Variants in PXDNL observed in about 807,000 individuals in gnomAD.
PXDNL encodes the protein peroxidasin like.
Under a neutral mutation model 150.8 loss-of-function variants are expected in PXDNL, and 145 were observed. The observed-to-expected ratio is 0.96, with a 90% CI of 0.84 to 1.10. PXDNL has a LOEUF of 1.10. Ranked by LOEUF, PXDNL falls within the 50% of genes least tolerant of loss-of-function variation. The pLI, the probability that PXDNL is intolerant of heterozygous loss-of-function variation, is 0.00. For missense variants in PXDNL, 2,087 were observed against 1,873.9 expected, an observed-to-expected ratio of 1.11 and a Z score of -2.10; for synonymous variants, 757 against 725.7, an observed-to-expected ratio of 1.04 and a Z score of -0.69.
Position 51,549,570 on chromosome 8 carries a change from C to T in PXDNL, c.380+7270G>A, listed in dbSNP as rs115288769. On this transcript the variant is annotated intron_variant, in intron 4 of 22. Transcript: ENST00000356297. ...AAATACATGGAAATTTAAAAATCTG[C>T]CCCTGAATGATCTTTGGGTCAAAAT... Among the ~76,000 whole-genome samples the T allele has an allele frequency of 6.1e-3, 933 of 152,158 alleles. 3 individuals are homozygous for T. The highest frequency in any genetic ancestry group is 0.021 in the African/African-American group (887 of 41,528).
intron 2 of PXDNL, among the ~76,000 whole-genome samples, chr8:51,618,199 T>C (rs1292282105): frequency 6.6e-6 from 1 of 152,230 alleles, no homozygotes; most frequent in Non-Finnish European, 1.5e-5. Flanking sequence ...CACTGGCGAT[T>C]ACCAGAGCAG....
At chr8:51,347,408 C>A (rs1223643265) in intron 19 of PXDNL, among the ~76,000 whole-genome samples, 1 of 152,154 alleles carries the variant, frequency 6.6e-6, no homozygotes, top group African/African-American at 2.4e-5. Context: ...CATATGAACT[C>A]ACTGGTATTA....
Position 51,409,473 on chromosome 8 carries a change from G to C in PXDNL, c.2151C>G (p.Asn717Lys), listed in dbSNP as rs1427045243. The C allele has an allele frequency of 3.7e-6, 6 of 1,612,614 alleles. No individual in the cohort carries two copies. The highest frequency in any genetic ancestry group is 5.1e-6 in the Non-Finnish European group (6 of 1,179,732). The change falls in exon 17 of 23, where the codon AAC becomes AAG. Residue 717 changes from asparagine to lysine, a missense_variant. Coordinates refer to ENST00000356297, the MANE Select transcript of PXDNL (RefSeq NM_144651.5). ...SGCTARRPLP[N>K]CSNRCFHAKY... ...TCGCATGGAAACACCGGTTGGAGCAGTTTGGCAGAGGCCTGCGAGCTGTGC... is the reference window on the plus strand; with the variant it reads ...TCGCATGGAAACACCGGTTGGAGCACTTTGGCAGAGGCCTGCGAGCTGTGC...
At chr8:51,677,751 T>A (rs1815655327) in intron 1 of PXDNL, among the ~76,000 whole-genome samples, 1 of 152,204 alleles carries the variant, frequency 6.6e-6, no homozygotes, top group Non-Finnish European at 1.5e-5. Flanking sequence ...TAAAATCTTT[T>A]CCCAAAATAA....
intron 2 of PXDNL, among the ~76,000 whole-genome samples, chr8:51,613,927 G>C (rs1048277280): frequency 6.6e-6 from 1 of 152,116 alleles, no homozygotes; most frequent in African/African-American, 2.4e-5. Context: ...TGTACTGTTA[G>C]GTGCCCCAGT....
In PXDNL at chr8:51,713,046, A is replaced by C. The variant is rs571959701; in HGVS notation, c.165-58286T>G. Among the ~76,000 whole-genome samples the C allele has an allele frequency of 4.3e-4, 66 of 152,346 alleles. 1 individual carries two copies. The highest frequency in any genetic ancestry group is 1.5e-3 in the African/African-American group (61 of 41,576). The stretch of plus-strand genomic sequence containing the variant: ...GATTATTTTTATCTTTCTCCTAAAA[A>C]TGTGAGTCAATAAAAATTCTGCTAA... On this transcript the variant is annotated intron_variant, in intron 1 of 22. Coordinates refer to ENST00000356297, the MANE Select transcript of PXDNL (RefSeq NM_144651.5).
intron 1 of PXDNL, among the ~76,000 whole-genome samples, chr8:51,701,523 C>T (rs1453781084): frequency 2.0e-5 from 3 of 152,124 alleles, no homozygotes; most frequent in East Asian, 1.9e-4. Flanking sequence ...TTCTTCCATT[C>T]TACTTTGCCT....
At chr8:51,477,670 C>T (rs1337455728) in intron 6 of PXDNL, among the ~76,000 whole-genome samples, 1 of 152,220 alleles carries the variant, frequency 6.6e-6, no homozygotes, top group African/African-American at 2.4e-5. Flanking sequence ...TTCAGCATCA[C>T]CATGACGTTC....
intron 1 of PXDNL, among the ~76,000 whole-genome samples, chr8:51,711,285 A>T (rs541951807): frequency 6.6e-6 from 1 of 152,166 alleles, no homozygotes; most frequent in Non-Finnish European, 1.5e-5. Context: ...TTACAGGCAC[A>T]CACCACTATG....
chr8:51,418,540 A>T (rs1808862273), intron 14 of PXDNL, among the ~76,000 whole-genome samples: 1 of 152,236 alleles, frequency 6.6e-6, no homozygotes, highest in Non-Finnish European at 1.5e-5. Flanking sequence ...ATGTCAAATA[A>T]TTCAAATAGT....
chr8:51,541,256 A>ATAAAG (rs747429041), intron 4 of PXDNL, among the ~76,000 whole-genome samples: 2 of 151,122 alleles, frequency 1.3e-5, no homozygotes, highest in South Asian at 2.1e-4. Context: ...GACTCCATAA[A>ATAAAG]AAAAAAAAAA....
chr8:51,594,510 TAG>T (rs1237978937), intron 2 of PXDNL, among the ~76,000 whole-genome samples: 4 of 152,214 alleles, frequency 2.6e-5, no homozygotes, highest in African/African-American at 9.6e-5. Flanking sequence ...CATATTCTTT[TAG>T]AGTTATTTAA....
chr8:51,696,825 A>ATACACAGTTC (rs1816151603), intron 1 of PXDNL, among the ~76,000 whole-genome samples: 2 of 148,830 alleles, frequency 1.3e-5, no homozygotes, highest in African/African-American at 2.5e-5. Flanking sequence ...ACACACACAC[A>ATACACAGTTC]CACACACACA....
intron 1 of PXDNL, among the ~76,000 whole-genome samples, chr8:51,779,629 C>A (rs2037390762): frequency 6.6e-6 from 1 of 152,134 alleles, no homozygotes; most frequent in Non-Finnish European, 1.5e-5. Context: ...CACGCAGCTC[C>A]CAGTTCTGGT....
rs182681864 is a variant in PXDNL, at chr8:51,478,792, C to G, written c.525-3651G>C. ...CTCTCCTGTATTCTGTTGTTCTCAT[C>G]TAAATTGTAGCCAAAATAGGACAGG... On this transcript the variant is annotated intron_variant, in intron 6 of 22. Transcript: ENST00000356297. Among the ~76,000 whole-genome samples the G allele has an allele frequency of 2.3e-3, 345 of 152,316 alleles. 2 individuals carry two copies. The highest frequency in any genetic ancestry group is 7.6e-3 in the African/African-American group (317 of 41,574).
At chr8:51,618,925 A>G (rs1203212742) in intron 2 of PXDNL, among the ~76,000 whole-genome samples, 1 of 152,234 alleles carries the variant, frequency 6.6e-6, no homozygotes, top group African/African-American at 2.4e-5. Flanking sequence ...TTACGCAGGC[A>G]GATGCTTTAG....
chr8:51,474,849 A>T (rs1259938757), intron 7 of PXDNL, 123 bp downstream of exon 7: 1 of 803,872 alleles, frequency 1.2e-6, no homozygotes, highest in African/African-American at 1.7e-5. Flanking sequence ...CTTTTACCAC[A>T]TTCCTTAAAA....
intron 2 of PXDNL, among the ~76,000 whole-genome samples, chr8:51,650,996 G>A (rs1815022684): frequency 6.6e-6 from 1 of 152,018 alleles, no homozygotes; most frequent in Non-Finnish European, 1.5e-5. Flanking sequence ...AAATCCAAAG[G>A]ATATAAGCAA....
intron 2 of PXDNL, among the ~76,000 whole-genome samples, chr8:51,597,651 T>G (rs975221633): frequency 6.7e-6 from 1 of 149,804 alleles, no homozygotes; most frequent in Non-Finnish European, 1.5e-5. Context: ...CTCTAAGTAT[T>G]TGTGTGTGTG....
Sources: gnomAD v4.1 joint callset for allele counts (sites outside exome capture counted in the v4.1 genomes callset) on GRCh38, gnomAD v4.1.1 for gene constraint, MANE v1.5 for transcripts, NCBI Gene and HGNC (gene_info 2026-07-23, HGNC 2026-07-21) for gene names.